Variants in LDB2 observed in about 807,000 individuals in gnomAD.
LDB2 encodes the protein LIM domain binding 2, also known as LIM domain-binding protein 2.
LDB2 carries 12 observed loss-of-function variants against 44.3 expected under a neutral mutation model. The ratio of observed to expected loss-of-function variants is 0.27; its 90% CI spans 0.17 to 0.44. The LOEUF (loss-of-function observed/expected upper bound fraction) is 0.44. Among genes scored for constraint, LDB2 ranks in the 20% least tolerant of loss-of-function variants. The pLI is 1.00. For missense variants in LDB2, 344 were observed against 473.5 expected (o/e 0.73, Z 2.54); for synonymous variants, 164 against 174.8 (o/e 0.94, Z 0.49).
intron 2 of LDB2, among the ~76,000 whole-genome samples, chr4:16,706,250 A>T (rs573765722): frequency 6.6e-6 from 1 of 152,112 alleles, no homozygotes; most frequent in Non-Finnish European, 1.5e-5. Flanking sequence ...CTAACCTTCA[A>T]GGTAATGGTA....
intron 1 of LDB2, among the ~76,000 whole-genome samples, chr4:16,878,391 T>C (rs1313858778): frequency 6.6e-6 from 1 of 152,218 alleles, no homozygotes; most frequent in East Asian, 1.9e-4. Context: ...AGACCACTTA[T>C]ACTCAACACC....
chr4:16,595,920 C>T (rs778912663), intron 2 of LDB2, 45 bp from the exon 3 acceptor site: 3 of 1,568,332 alleles, frequency 1.9e-6, no homozygotes, highest in Admixed American at 3.5e-5. Context: ...AAAAATATCC[C>T]ACCAGCCCCA....
intron 7 of LDB2, chr4:16,505,783 A>G: frequency 6.8e-7 from 1 of 1,477,496 alleles, no homozygotes; most frequent in Non-Finnish European, 9.0e-7. Context: ...CGGAGGTGCC[A>G]CCAGCTCTCA....
rs968083163 is a variant in LDB2, at chr4:16,763,445, C to CACACACACACA, written c.133-4196_133-4186dup. ...CCCCCCATATGTAAACACGTACACACACACACACACACACACACACACACA... is the reference window on the plus strand; with the variant it reads ...CCCCCCATATGTAAACACGTACACACACACACACACAACACACACACACACACACACACACA... On this transcript the variant is annotated intron_variant, in intron 1 of 7. Coordinates refer to ENST00000304523, the MANE Select transcript of LDB2 (RefSeq NM_001290.5). 1.6e-4 allele frequency among the ~76,000 whole-genome samples: 24 copies of CACACACACACA among 148,486 alleles called. No individual in the cohort carries two copies. In the East Asian group the frequency reaches 4.3e-3, roughly 27 times the overall value.
chr4:16,642,722 G>A (rs1449571593), intron 2 of LDB2, among the ~76,000 whole-genome samples: 1 of 152,138 alleles, frequency 6.6e-6, no homozygotes, highest in Non-Finnish European at 1.5e-5. Context: ...TTAAGGATAT[G>A]TTTAATTATT....
intron 2 of LDB2, among the ~76,000 whole-genome samples, chr4:16,611,118 C>T (rs1725480057): frequency 6.6e-6 from 1 of 152,112 alleles, no homozygotes; most frequent in South Asian, 2.1e-4. Flanking sequence ...CCAAACTAAA[C>T]TTCATAAGTG....
At chr4:16,584,484 C>A (rs562682963) in intron 5 of LDB2, among the ~76,000 whole-genome samples, 2 of 152,366 alleles carry the variant, frequency 1.3e-5, no homozygotes, top group East Asian at 3.9e-4. Context: ...ACTTACTCCA[C>A]CTACTGAAAC....
At chr4:16,871,705 C>T (rs768686825) in intron 1 of LDB2, among the ~76,000 whole-genome samples, 21 of 151,656 alleles carry the variant, frequency 1.4e-4, no homozygotes, top group Non-Finnish European at 2.6e-4. Context: ...CTGCAACCTC[C>T]GCCTCCCAGG....
chr4:16,590,618 C>T (rs1004774679), intron 3 of LDB2, among the ~76,000 whole-genome samples: 1 of 152,174 alleles, frequency 6.6e-6, no homozygotes, highest in Admixed American at 6.5e-5. Flanking sequence ...GTTGATGGGA[C>T]ACTACTCGAG....
chr4:16,525,464 C>A (rs1727862443), intron 5 of LDB2, among the ~76,000 whole-genome samples: 1 of 152,200 alleles, frequency 6.6e-6, no homozygotes, highest in Non-Finnish European at 1.5e-5. Context: ...AGCCCTCTCC[C>A]CTCCCAGGGA....
chr4:16,579,927 T>C (rs1713659383), intron 5 of LDB2, among the ~76,000 whole-genome samples: 1 of 151,980 alleles, frequency 6.6e-6, no homozygotes, highest in African/African-American at 2.4e-5. Flanking sequence ...CTGCCAAGAG[T>C]TAATCCTGAG....
In LDB2 at chr4:16,859,376, A is replaced by C. The variant is rs934369956; in HGVS notation, c.132+38978T>G. 8.5e-5 allele frequency among the ~76,000 whole-genome samples: 13 copies of C among 152,346 alleles called. No individual in the cohort carries two copies. In the East Asian group the frequency reaches 2.5e-3, roughly 29 times the overall value. On this transcript the variant is annotated intron_variant, in intron 1 of 7. Transcript: ENST00000304523. The stretch of plus-strand genomic sequence containing the variant: ...ATGCCCTGGTGTTTCAATCACGTGC[A>C]CCTTAATAAGAGCCATTTGACTAGC...
At chr4:16,809,854 TAGC>T in intron 1 of LDB2, among the ~76,000 whole-genome samples, 2 of 152,338 alleles carry the variant, frequency 1.3e-5, no homozygotes, top group African/African-American at 4.8e-5. Flanking sequence ...GAGTGGATCA[TAGC>T]AGGATGGCTT....
chr4:16,552,060 G>A (rs564364021), intron 5 of LDB2, among the ~76,000 whole-genome samples: 4 of 152,092 alleles, frequency 2.6e-5, no homozygotes, highest in Admixed American at 2.6e-4. Context: ...CTAGGTCCCG[G>A]GGGTAGATTG....
intron 1 of LDB2, among the ~76,000 whole-genome samples, chr4:16,817,113 C>T (rs1056041064): frequency 7.9e-5 from 12 of 152,170 alleles, no homozygotes; most frequent in Non-Finnish European, 1.5e-4. Context: ...AGGCATGTAA[C>T]GCACTCTTAG....
At chr4:16,543,968 A>T (rs993073739) in intron 5 of LDB2, among the ~76,000 whole-genome samples, 4 of 152,146 alleles carry the variant, frequency 2.6e-5, no homozygotes, top group Admixed American at 2.0e-4. Flanking sequence ...TTTCTTTCCT[A>T]ATAATTACTC....
At chr4:16,688,154 G>A (rs956895425) in intron 2 of LDB2, among the ~76,000 whole-genome samples, 3 of 152,174 alleles carry the variant, frequency 2.0e-5, no homozygotes, top group East Asian at 1.9e-4. Context: ...CTTAAAGTTC[G>A]CATTGTTTTT....
chr4:16,506,156 T>C (rs78569038), intron 7 of LDB2: 3 of 585,438 alleles, frequency 5.1e-6, no homozygotes, highest in African/African-American at 1.9e-5. Context: ...TAGAATAGTG[T>C]TGATAACTCA....
intron 5 of LDB2, among the ~76,000 whole-genome samples, chr4:16,563,072 G>T (rs893139460): frequency 1.6e-4 from 24 of 151,910 alleles, no homozygotes; most frequent in African/African-American, 5.1e-4. Flanking sequence ...GTTGTGGGGT[G>T]GGGGGAGAGG....
Sources: allele counts gnomAD v4.1 joint callset (sites outside exome capture counted in the v4.1 genomes callset), GRCh38; gene constraint gnomAD v4.1.1; transcripts MANE v1.5; gene names NCBI Gene and HGNC (gene_info 2026-07-23, HGNC 2026-07-21).